Variants in PDE4DIP observed in about 807,000 individuals in gnomAD.
PDE4DIP encodes the protein myomegalin.
Under a neutral mutation model 221.4 loss-of-function variants are expected in PDE4DIP, and 59 were observed. That is an observed-to-expected ratio of 0.27 (90% CI 0.22 to 0.33). PDE4DIP has a LOEUF of 0.33. PDE4DIP is among the 10% of genes least tolerant of loss of function. The pLI, the probability that PDE4DIP is intolerant of heterozygous loss-of-function variation, is 1.00. For missense variants in PDE4DIP, 1,036 were observed against 2,154.2 expected (o/e 0.48, Z 10.28); for synonymous variants, 404 against 815.9 (o/e 0.50, Z 8.60).
At chr1:149,006,340 A>G (rs1231453619) in intron 27 of PDE4DIP, 1 of 152,112 alleles carries the variant, frequency 6.6e-6, no homozygotes, top group African/African-American at 2.4e-5. Flanking sequence ...ATTATGCTTC[A>G]TGGTTCTATG....
intron 5 of PDE4DIP, chr1:148,938,169 A>G: frequency 5.0e-6 from 1 of 199,876 alleles, no homozygotes; most frequent in Non-Finnish European, 1.0e-5. Flanking sequence ...GGAAGGATTT[A>G]TTGCTGTGTA....
At chr1:148,989,596 C>T (rs587718085) in intron 21 of PDE4DIP, among the ~76,000 whole-genome samples, 1 of 152,192 alleles carries the variant, frequency 6.6e-6, no homozygotes, top group East Asian at 1.9e-4. Context: ...CAGCCTGACT[C>T]CACAACCCAG....
Position 148,862,231 on chromosome 1 carries a change from G to T in PDE4DIP, c.234-1019G>T, listed in dbSNP as rs587641605. 2.3e-4 allele frequency among the ~76,000 whole-genome samples: 35 copies of T among 151,032 alleles called. No individual in the cohort carries two copies. The East Asian group carries it at 6.8e-3, about 29-fold the overall frequency. ...ACTGCTACTATACAATTTATTTATT[G>T]TCTCCCCTTACTGTAAAAATTCCAT... On this transcript the variant is annotated intron_variant, in intron 1 of 45. Coordinates refer to the PDE4DIP transcript ENST00000524974.
exon 42 of PDE4DIP, chr1:149,029,828 A>C: frequency 6.2e-7 from 1 of 1,604,124 alleles, no homozygotes; most frequent in Non-Finnish European, 8.5e-7. Flanking sequence ...TGAGAACCAA[A>C]GTATCCAAAC....
chr1:148,940,661 G>T (rs1438100640), intron 5 of PDE4DIP, among the ~76,000 whole-genome samples: 2 of 151,838 alleles, frequency 1.3e-5, no homozygotes, highest in Non-Finnish European at 2.9e-5. Context: ...CACTGTGCTG[G>T]AATACCCAAG....
chr1:148,927,006 A>G (rs639867), intron 1 of PDE4DIP, among the ~76,000 whole-genome samples: 70 of 148,570 alleles, frequency 4.7e-4, no homozygotes, highest in Admixed American at 9.4e-4. Context: ...AGGGTACTCA[A>G]TTCAATTTAA....
rs143672177 is a variant in PDE4DIP at position 149,012,668 on chromosome 1, C to T, written c.5158C>T (p.Pro1720Ser). 1.1e-4 allele frequency: 179 copies of T among 1,613,200 alleles called. 1 individual carries two copies. The highest frequency in any genetic ancestry group is 1.2e-4 in the Non-Finnish European group (139 of 1,179,276). ...GCCCTCAGCTCCATCCAGCTTCCTG[C>T]CTTTCAGCCCCACTGGCCCTCTCCT... is the stretch of plus-strand genomic sequence containing the variant. Residue 1720 changes from proline to serine, a missense_variant, in exon 32 of 44, where the codon CCT (proline) becomes TCT (serine). Transcript: ENST00000369354.
At position 148,979,697 on chromosome 1, in the gene PDE4DIP, G is replaced by T. The variant is rs782275825; in HGVS notation, c.2575-40G>T. The T allele has an allele frequency of 2.5e-5, 40 of 1,573,258 alleles. No individual in the cohort carries two copies. The African/African-American group carries it at 4.7e-4, about 19-fold the overall frequency. ...TCTTGTTTCTTATTCATGTCTCACT[G>T]TGCCATTTGCGTATTGCTTCCTCTC... On this transcript the variant is annotated intron_variant, in intron 19 of 43. Transcript: ENST00000369354.
rs1172891016 is a variant in PDE4DIP at position 148,816,965 on chromosome 1, C to CT, written c.233+8235dup. Among the ~76,000 whole-genome samples the CT allele has an allele frequency of 5.5e-5, 5 of 90,518 alleles. No homozygotes were observed. In the Admixed American group the frequency reaches 5.8e-4, roughly 10 times the overall value. 59.4% of individuals were successfully genotyped at this position (90,518 alleles called of 152,430 possible). A position where few individuals can be genotyped will look rare whatever the true frequency, so the allele number is the denominator to read the frequency against. ...GGTTGTAGAATTCCAGGTGACTGCT[C>CT]TTTTTTTCCTTCAGCTCTTTAAAGA... On this transcript the variant is annotated intron_variant, in intron 1 of 45. Coordinates refer to the PDE4DIP transcript ENST00000524974.
intron 21 of PDE4DIP, chr1:148,985,191 G>A (rs1321780285): frequency 6.6e-6 from 1 of 152,100 alleles, no homozygotes; most frequent in Non-Finnish European, 1.5e-5. Flanking sequence ...AGCTCAGTGA[G>A]CTTTTCTTTT....
chr1:149,029,625 G>A (rs76343371), intron 41 of PDE4DIP, among the ~76,000 whole-genome samples, 162 bp from the exon 45 acceptor site: 22 of 152,236 alleles, frequency 1.4e-4, no homozygotes, highest in African/African-American at 2.9e-4. Context: ...GCCTCATCCT[G>A]AACTGTCCTC....
chr1:148,897,964 G>A, intron 1 of PDE4DIP, among the ~76,000 whole-genome samples: 1 of 135,048 alleles, frequency 7.4e-6, no homozygotes, highest in Admixed American at 7.7e-5. Flanking sequence ...GTTGAGAAAT[G>A]CTTCTTCCCT....
intron 21 of PDE4DIP, among the ~76,000 whole-genome samples, chr1:148,990,555 G>GC (rs2062826764): frequency 1.3e-5 from 2 of 151,812 alleles, no homozygotes; most frequent in Non-Finnish European, 2.9e-5. Flanking sequence ...TTCTGTCTAA[G>GC]AGTCCAGAGT....
At chr1:148,981,813 A>T (rs1485013517) in intron 21 of PDE4DIP, 1 of 192,132 alleles carries the variant, frequency 5.2e-6, no homozygotes, top group African/African-American at 2.3e-5. Flanking sequence ...ATATCATATC[A>T]TAAATGCATG....
At chr1:148,924,378 T>C (rs1553464372) in intron 1 of PDE4DIP, among the ~76,000 whole-genome samples, 1 of 152,146 alleles carries the variant, frequency 6.6e-6, no homozygotes, top group African/African-American at 2.4e-5. Context: ...GAATAGACTC[T>C]ATTATCAGGC....
At chr1:148,980,255 G>A (rs2060860343) in intron 20 of PDE4DIP, among the ~76,000 whole-genome samples, 1 of 152,180 alleles carries the variant, frequency 6.6e-6, no homozygotes, top group Admixed American at 6.5e-5. Context: ...AGCTGGGTGA[G>A]GTAGCGCGCG....
At chr1:148,953,385 G>C in intron 5 of PDE4DIP, 1 of 1,614,236 alleles carries the variant, frequency 6.2e-7, no homozygotes, top group Admixed American at 1.7e-5. Flanking sequence ...TCTAGCAGGT[G>C]GTCGACCAGC....
intron 35 of PDE4DIP, chr1:149,019,408 G>A (rs2071862904): frequency 6.7e-6 from 1 of 150,224 alleles, no homozygotes; most frequent in Admixed American, 6.7e-5. Flanking sequence ...AGGAATGCTT[G>A]TGGAAAAGGA....
chr1:149,025,243 G>T (rs1403986728), intron 38 of PDE4DIP, among the ~76,000 whole-genome samples: 1 of 152,092 alleles, frequency 6.6e-6, no homozygotes, highest in East Asian at 1.9e-4. Flanking sequence ...ATCAGAACCA[G>T]ATGTTGTGAT....
Sources: gnomAD v4.1 joint callset for allele counts (sites outside exome capture counted in the v4.1 genomes callset) on GRCh38, gnomAD v4.1.1 for gene constraint, MANE v1.5 for transcripts, NCBI Gene and HGNC (gene_info 2026-07-23, HGNC 2026-07-21) for gene names.